CHSY3: variants seen among roughly 807,000 people sequenced by gnomAD.
CHSY3 encodes the protein N-acetylgalactosaminyl-proteoglycan 3-beta-glucuronosyltransferase 3.
In CHSY3, 35 loss-of-function variants were observed where a neutral mutation model predicts 67.2. The observed-to-expected ratio is 0.52, with a 90% CI of 0.40 to 0.69. The LOEUF (loss-of-function observed/expected upper bound fraction) is 0.69, where lower values mean the gene tolerates loss of function less well. CHSY3 is among the 30% of genes least tolerant of loss of function. The pLI, the probability that CHSY3 is intolerant of heterozygous loss-of-function variation, is 0.00. For synonymous variants in CHSY3, 474 were observed against 434.7 expected (o/e 1.09, Z -1.12); for missense variants, 1,069 against 1,138.5 (o/e 0.94, Z 0.88).
intron 2 of CHSY3, among the ~76,000 whole-genome samples, chr5:130,145,890 T>C (rs1580779645): frequency 6.6e-6 from 1 of 151,984 alleles, no homozygotes; most frequent in African/African-American, 2.4e-5. Context: ...TGCAAATCAA[T>C]ACCACAATGA....
intron 2 of CHSY3, among the ~76,000 whole-genome samples, chr5:129,955,842 C>T (rs1382796814): frequency 1.3e-5 from 2 of 152,132 alleles, no homozygotes; most frequent in South Asian, 2.1e-4. Context: ...CTTCCAGCTC[C>T]ATCCATGTTC....
intron 2 of CHSY3, among the ~76,000 whole-genome samples, chr5:130,089,989 G>T (rs763674414): frequency 2.2e-4 from 34 of 152,122 alleles, no homozygotes; most frequent in Non-Finnish European, 4.3e-4. Context: ...TAGAGGGAAC[G>T]CATCTTTATT....
At chr5:130,132,238 C>T (rs62393189) in intron 2 of CHSY3, among the ~76,000 whole-genome samples, 19,284 of 152,118 alleles carry the variant, frequency 0.13, 1,358 homozygotes, top group East Asian at 0.27. Context: ...CAGCTTTCCA[C>T]TTTCAACTTT....
chr5:130,011,220 G>C (rs1406509807), intron 2 of CHSY3, among the ~76,000 whole-genome samples: 1 of 152,006 alleles, frequency 6.6e-6, no homozygotes, highest in Non-Finnish European at 1.5e-5. Context: ...ATGCAGAAGT[G>C]CTCAACAAAT....
intron 2 of CHSY3, among the ~76,000 whole-genome samples, chr5:130,067,994 G>A (rs1204756883): frequency 6.6e-6 from 1 of 152,094 alleles, no homozygotes; most frequent in African/African-American, 2.4e-5. Context: ...GTGAATAAAT[G>A]GGTACTGGAC....
chr5:130,050,198 T>C (rs112357084), intron 2 of CHSY3, among the ~76,000 whole-genome samples: 51 of 152,264 alleles, frequency 3.3e-4, no homozygotes, highest in African/African-American at 1.2e-3. Context: ...TAGTGCATTC[T>C]GTTCTGGTGT....
Position 130,012,317 on chromosome 5 carries a change from A to G in CHSY3, c.1086+103957A>G, listed in dbSNP as rs201066821. Among the ~76,000 whole-genome samples the G allele has an allele frequency of 4.6e-5, 7 of 152,238 alleles. No individual in the cohort carries two copies. In the East Asian group the frequency reaches 5.8e-4, roughly 13 times the overall value. ...CACACCTACAAGCATCAGATCTTATACAAAGCCAACAAAAACAAGCACAAG... is the reference window on the plus strand; with the variant it reads ...CACACCTACAAGCATCAGATCTTATGCAAAGCCAACAAAAACAAGCACAAG... On this transcript the variant is annotated intron_variant, in intron 2 of 2. Coordinates refer to ENST00000305031, the MANE Select transcript of CHSY3 (RefSeq NM_175856.5).
At chr5:130,133,968 AAC>A (rs1768577036) in intron 2 of CHSY3, among the ~76,000 whole-genome samples, 2 of 152,122 alleles carry the variant, frequency 1.3e-5, no homozygotes, top group African/African-American at 2.4e-5. Context: ...TTATTCTAAC[AAC>A]AGTTATTAAG....
intron 2 of CHSY3, among the ~76,000 whole-genome samples, chr5:130,171,320 T>G (rs1356501736): frequency 6.6e-6 from 1 of 152,174 alleles, no homozygotes; most frequent in Non-Finnish European, 1.5e-5. Context: ...CATTAGATTT[T>G]TTTTCTTATT....
chr5:130,147,114 G>A (rs2149722503), intron 2 of CHSY3, among the ~76,000 whole-genome samples: 2 of 152,176 alleles, frequency 1.3e-5, no homozygotes, highest in East Asian at 3.9e-4. Flanking sequence ...TTTATCTCAT[G>A]GCAGTACTGC....
chr5:130,080,423 T>C (rs543461532), intron 2 of CHSY3, among the ~76,000 whole-genome samples: 1 of 152,266 alleles, frequency 6.6e-6, no homozygotes, highest in African/African-American at 2.4e-5. Context: ...CCCACTAGGA[T>C]GTTTTTTCTC....
intron 2 of CHSY3, among the ~76,000 whole-genome samples, chr5:130,181,754 A>T (rs944500629): frequency 6.6e-6 from 1 of 152,118 alleles, no homozygotes; most frequent in African/African-American, 2.4e-5. Flanking sequence ...GGTTAGCTTT[A>T]CCTGTTTCTG....
At chr5:129,955,424 T>A (rs1022513247) in intron 2 of CHSY3, among the ~76,000 whole-genome samples, 25 of 151,972 alleles carry the variant, frequency 1.6e-4, no homozygotes, top group African/African-American at 5.8e-4. Context: ...TTTTTAATAT[T>A]TTTTCCCGTC....
chr5:129,916,887 T>C (rs963289581), intron 2 of CHSY3, among the ~76,000 whole-genome samples: 11 of 152,142 alleles, frequency 7.2e-5, no homozygotes, highest in Non-Finnish European at 1.2e-4. Context: ...AATTGTTTTT[T>C]TTTCATTGTA....
At chr5:130,005,132 G>A (rs1241091228) in intron 2 of CHSY3, among the ~76,000 whole-genome samples, 2 of 152,126 alleles carry the variant, frequency 1.3e-5, no homozygotes, top group Non-Finnish European at 2.9e-5. Flanking sequence ...CAGCTAATCA[G>A]CTGAGATTTT....
At chr5:130,014,458 T>G (rs1764154997) in intron 2 of CHSY3, among the ~76,000 whole-genome samples, 1 of 152,180 alleles carries the variant, frequency 6.6e-6, no homozygotes, top group African/African-American at 2.4e-5. Context: ...GGAAGGCACC[T>G]CTTCACAGGA....
At chr5:129,911,742 A>T (rs1417899616) in intron 2 of CHSY3, among the ~76,000 whole-genome samples, 1 of 152,194 alleles carries the variant, frequency 6.6e-6, no homozygotes, top group East Asian at 1.9e-4. Context: ...TTTTAGAAAT[A>T]TGAGGAATTC....
At chr5:130,080,322 A>T (rs1334514187) in intron 2 of CHSY3, among the ~76,000 whole-genome samples, 4 of 152,070 alleles carry the variant, frequency 2.6e-5, no homozygotes, top group Non-Finnish European at 5.9e-5. Context: ...TCTGCCCGTC[A>T]CTGATACCTA....
intron 2 of CHSY3, among the ~76,000 whole-genome samples, chr5:130,094,062 C>T (rs1047058876): frequency 2.0e-5 from 3 of 152,234 alleles, no homozygotes; most frequent in African/African-American, 7.2e-5. Context: ...TGTCAGCACA[C>T]TCAGTAAAGG....
Sources: gnomAD v4.1 joint callset for allele counts (sites outside exome capture counted in the v4.1 genomes callset) on GRCh38, gnomAD v4.1.1 for gene constraint, MANE v1.5 for transcripts, NCBI Gene and HGNC (gene_info 2026-07-23, HGNC 2026-07-21) for gene names.